RNF170: variants seen among roughly 807,000 people sequenced by gnomAD.
RNF170 encodes E3 ubiquitin-protein ligase RNF170.
In RNF170, 12 loss-of-function variants were observed where a neutral mutation model predicts 32.7. The ratio of observed to expected loss-of-function variants is 0.37; its 90% CI spans 0.24 to 0.60. The LOEUF is 0.60. Ranked by LOEUF, RNF170 falls within the 20% of genes least tolerant of loss-of-function variation. RNF170 has a pLI of 0.72. For synonymous variants in RNF170, 91 were observed against 103.6 expected (o/e 0.88, Z 0.74); for missense variants, 212 against 311.2 (o/e 0.68, Z 2.40).
intron 1 of RNF170, among the ~76,000 whole-genome samples, chr8:42,890,369 C>CCGGGTT (rs1268489347): frequency 6.6e-6 from 1 of 151,612 alleles, no homozygotes; most frequent in Admixed American, 6.6e-5. Context: ...GCTCTGCCTC[C>CCGGGTT]CGGGTTCTCG....
intron 3 of RNF170, among the ~76,000 whole-genome samples, chr8:42,873,342 AG>A (rs1269126595): frequency 6.6e-6 from 1 of 152,160 alleles, no homozygotes; most frequent in African/African-American, 2.4e-5. Flanking sequence ...TCTATAGGAA[AG>A]GAATTTTTAA....
At chr8:42,864,058 T>C (rs1330731444) in intron 5 of RNF170, among the ~76,000 whole-genome samples, 5 of 150,102 alleles carry the variant, frequency 3.3e-5, no homozygotes, top group African/African-American at 9.9e-5. Flanking sequence ...TTTTTTTTTT[T>C]AGTGTGTGTG....
In RNF170 at chr8:42,854,724, G is replaced by T; in HGVS notation, c.*1435C>A. 1 of 1,287,422 alleles carries T rather than the reference G, an allele frequency of 7.8e-7. No individual in the cohort carries two copies. The highest frequency in any genetic ancestry group is 1.0e-6 in the Non-Finnish European group (1 of 988,684). The allele number at this position is 1,287,422 out of a possible 1,614,324, so 79.7% of individuals were successfully genotyped here. On this transcript the variant is annotated 3_prime_UTR_variant, in exon 7 of 7. Transcript: ENST00000527424. ...ATTAATGGATGATATTAATAGCAGT[G>T]ATCTCAGATGACAATGCTAACACTG...
At position 42,855,957 on chromosome 8, in the gene RNF170, A is replaced by G. The variant is rs778032757; in HGVS notation, c.*202T>C. The G allele has an allele frequency of 2.9e-6, 4 of 1,383,096 alleles. No homozygotes were observed. The highest frequency in any genetic ancestry group is 6.1e-5 in the East Asian group (2 of 33,010). 85.7% of individuals were successfully genotyped at this position (1,383,096 alleles called of 1,614,324 possible). On this transcript the variant is annotated 3_prime_UTR_variant, in exon 7 of 7. Coordinates refer to ENST00000527424, the MANE Select transcript of RNF170 (RefSeq NM_030954.4). The stretch of plus-strand genomic sequence containing the variant: ...CAACTGTAGATCATTATAATTCTAA[A>G]CTTAATATTAGAACTTCAAACATGA...
intron 1 of RNF170, among the ~76,000 whole-genome samples, chr8:42,888,760 C>T (rs1489723466): frequency 4.0e-5 from 6 of 149,714 alleles, no homozygotes; most frequent in Non-Finnish European, 5.9e-5. Context: ...CCCTGTCCCC[C>T]GCCCCCCAAC....
rs1489137430 is a variant in RNF170, at chr8:42,854,437, G to GAGT, written c.*1721_*1722insACT. 3.1e-6 allele frequency: 4 copies of GAGT among 1,287,084 alleles called. No homozygotes were observed. In the African/African-American group the frequency reaches 6.1e-5, roughly 20 times the overall value. The allele number at this position is 1,287,084 out of a possible 1,614,324, so 79.7% of individuals were successfully genotyped here. A position where few individuals can be genotyped will look rare whatever the true frequency, so the allele number is the denominator to read the frequency against. The stretch of plus-strand genomic sequence containing the variant: ...TTGTATCTATGAAAGGGAAGTTGGT[G>GAGT]TCCTGCGTTCCTCACAAAATTATCC... On this transcript the variant is annotated 3_prime_UTR_variant, in exon 7 of 7. Coordinates refer to ENST00000527424, the MANE Select transcript of RNF170 (RefSeq NM_030954.4).
At chr8:42,851,783 A>G (rs1442134040), downstream of RNF170, among the ~76,000 whole-genome samples, 3 of 151,994 alleles carry the variant, frequency 2.0e-5, no homozygotes, top group African/African-American at 7.2e-5. Context: ...GACCACAGGC[A>G]TGCACCACCA....
At chr8:42,859,819 T>C (rs1803522991) in intron 6 of RNF170, among the ~76,000 whole-genome samples, 1 of 152,134 alleles carries the variant, frequency 6.6e-6, no homozygotes, top group Non-Finnish European at 1.5e-5. Flanking sequence ...TGACTAATTT[T>C]TGTATTTTTT....
chr8:42,860,651 G>C (rs1035813101), intron 6 of RNF170, among the ~76,000 whole-genome samples: 1 of 151,946 alleles, frequency 6.6e-6, no homozygotes, highest in Non-Finnish European at 1.5e-5. Context: ...TCAAACTCCC[G>C]AACTCAAATG....
chr8:42,865,102 A>G (rs1048248880), intron 5 of RNF170, among the ~76,000 whole-genome samples: 13 of 151,716 alleles, frequency 8.6e-5, no homozygotes, highest in Non-Finnish European at 1.5e-4. Context: ...ACTAAAAATA[A>G]AAAAATTAGC....
intron 1 of RNF170, 124 bp downstream of exon 1, chr8:42,896,360 G>A (rs1806869767): frequency 4.8e-6 from 2 of 420,276 alleles, no homozygotes; most frequent in South Asian, 1.7e-5. Flanking sequence ...GGGGAAGGAG[G>A]CGGCGACTCC....
intron 5 of RNF170, among the ~76,000 whole-genome samples, chr8:42,864,944 C>T (rs569456166): frequency 8.0e-5 from 12 of 149,588 alleles, no homozygotes; most frequent in Admixed American, 1.3e-4. Context: ...AATCGTGGGC[C>T]GGGTACAGTT....
At chr8:42,874,130 T>C in intron 2 of RNF170, 124 bp from the exon 3 acceptor site, 2 of 688,602 alleles carry the variant, frequency 2.9e-6, no homozygotes, top group South Asian at 3.2e-5. Flanking sequence ...ATACAAGCAC[T>C]TCACTTCCAG....
At position 42,870,035 on chromosome 8, in the gene RNF170, C is replaced by T. The variant is rs11989986; in HGVS notation, c.291G>A (p.Pro97=). The T allele has an allele frequency of 3.3e-3, 5,368 of 1,614,048 alleles. 158 individuals are homozygous for T. The African/African-American group carries it at 0.065, about 20-fold the overall frequency. Residue 97 remains proline, a synonymous_variant, in exon 4 of 7, where the codon CCG becomes CCA. Transcript: ENST00000527424. ...CPICLHQASF[P]VETNCGHLFC... ...AAAGATGTCCACAGTTGGTCTCCAC[C>T]GGGAAGGAGGCTTGGTGCAGGCAGA...
chr8:42,893,600 T>A (rs921189966), intron 1 of RNF170, among the ~76,000 whole-genome samples: 2 of 152,154 alleles, frequency 1.3e-5, no homozygotes, highest in Non-Finnish European at 2.9e-5. Flanking sequence ...AAGTTTATAA[T>A]GAGATAATGA....
At chr8:42,893,913 T>C (rs1276310723) in intron 1 of RNF170, among the ~76,000 whole-genome samples, 1 of 152,096 alleles carries the variant, frequency 6.6e-6, no homozygotes, top group African/African-American at 2.4e-5. Context: ...AGCCTCCAAC[T>C]AACCGGAGTA....
At chr8:42,890,510 C>T (rs1295279451) in intron 1 of RNF170, among the ~76,000 whole-genome samples, 1 of 152,006 alleles carries the variant, frequency 6.6e-6, no homozygotes, top group Non-Finnish European at 1.5e-5. Flanking sequence ...ATCTCCTGAC[C>T]TCGTGATACA....
chr8:42,860,291 A>G (rs928694843), intron 6 of RNF170, among the ~76,000 whole-genome samples: 1 of 152,262 alleles, frequency 6.6e-6, no homozygotes, highest in African/African-American at 2.4e-5. Flanking sequence ...TTAGATTTTG[A>G]TAAAACAAGA....
At chr8:42,883,446 G>C (rs1254655278) in intron 2 of RNF170, among the ~76,000 whole-genome samples, 1 of 151,978 alleles carries the variant, frequency 6.6e-6, no homozygotes, top group South Asian at 2.1e-4. Flanking sequence ...GCGCGTGCCT[G>C]TAGTCCCAGC....
Sources: gnomAD v4.1 joint callset for allele counts (sites outside exome capture counted in the v4.1 genomes callset) on GRCh38, gnomAD v4.1.1 for gene constraint, MANE v1.5 for transcripts, NCBI Gene and HGNC (gene_info 2026-07-23, HGNC 2026-07-21) for gene names.